The following IKZF3 variants were observed in gnomAD, a reference collection of about 807,000 sequenced individuals.
IKZF3 encodes IKAROS family zinc finger 3, also known as zinc finger protein Aiolos.
In IKZF3, 10 loss-of-function variants were observed where a neutral mutation model predicts 49.0. The ratio of observed to expected loss-of-function variants is 0.20; its 90% CI spans 0.13 to 0.35. The LOEUF is 0.35. IKZF3 is among the 10% of genes least tolerant of loss of function. IKZF3 has a pLI of 1.00. For synonymous variants in IKZF3, 209 were observed against 228.2 expected, an observed-to-expected ratio of 0.92 and a Z score of 0.76; for missense variants, 498 against 664.8, an observed-to-expected ratio of 0.75 and a Z score of 2.76.
At chr17:39,825,371 A>G (rs1159472933) in intron 3 of IKZF3, among the ~76,000 whole-genome samples, 2 of 152,230 alleles carry the variant, frequency 1.3e-5, no homozygotes, top group African/African-American at 4.8e-5. Flanking sequence ...ATGCAAGATC[A>G]CAGGAGAAAG....
rs527599692 is a variant in IKZF3 at position 39,793,007 on chromosome 17, C to T, written c.164-74G>A. On this transcript the variant is annotated intron_variant, in intron 3 of 7. Transcript: ENST00000346872. ...ATCAAAGCAGCTCAAACAGCAGAGACCCACAACTGACAATTAAATACCAAT... is the reference window on the plus strand; with the variant it reads ...ATCAAAGCAGCTCAAACAGCAGAGATCCACAACTGACAATTAAATACCAAT... 6.6e-5 allele frequency: 94 copies of T among 1,419,476 alleles called. No homozygotes were observed. In the African/African-American group the frequency reaches 1.2e-3, roughly 18 times the overall value. 87.9% of individuals were successfully genotyped at this position (1,419,476 alleles called of 1,614,324 possible).
intron 7 of IKZF3, among the ~76,000 whole-genome samples, chr17:39,773,001 A>G (rs900587109): frequency 1.3e-5 from 2 of 152,120 alleles, no homozygotes; most frequent in East Asian, 1.9e-4. Flanking sequence ...TTTTTAGTAG[A>G]GATAGGGTTT....
intron 6 of IKZF3, 144 bp from the exon 7 acceptor site, chr17:39,777,911 T>C (rs1449629739): frequency 7.2e-7 from 1 of 1,388,836 alleles, no homozygotes; most frequent in Non-Finnish European, 9.3e-7. Context: ...GATTCTTGCC[T>C]GGGGTACCTG....
chr17:39,838,552 T>C (rs2062371453), intron 1 of IKZF3, among the ~76,000 whole-genome samples: 1 of 152,182 alleles, frequency 6.6e-6, no homozygotes, highest in Non-Finnish European at 1.5e-5. Context: ...TCTAAATGCT[T>C]TCAAATATTT....
rs191653730 is a variant in IKZF3 at position 39,797,079 on chromosome 17, C to T, written c.164-4146G>A. ...ACTCAAGAGGCTGAGGCAGGAGAAT[C>T]GCTTGAACCTGGGAAGTGGAGGTTG... On this transcript the variant is annotated intron_variant, in intron 3 of 7. Coordinates refer to ENST00000346872, the MANE Select transcript of IKZF3 (RefSeq NM_012481.5). Among the ~76,000 whole-genome samples the T allele has an allele frequency of 1.3e-4, 19 of 151,458 alleles. No homozygotes were observed. In the East Asian group the frequency reaches 3.6e-3, roughly 29 times the overall value.
intron 7 of IKZF3, among the ~76,000 whole-genome samples, chr17:39,770,750 G>A (rs139280946): frequency 4.5e-4 from 68 of 149,824 alleles, no homozygotes; most frequent in African/African-American, 1.5e-3. Flanking sequence ...TGTATCCACC[G>A]TGCCATCCTA....
chr17:39,798,996 C>CGTGTGTGT (rs10628627), intron 3 of IKZF3, among the ~76,000 whole-genome samples: 34 of 149,082 alleles, frequency 2.3e-4, no homozygotes, highest in East Asian at 1.2e-3. Context: ...TGTGTGTGTG[C>CGTGTGTGT]GTGTGTGTGT....
intron 6 of IKZF3, among the ~76,000 whole-genome samples, chr17:39,779,794 TTC>T (rs1301373494): frequency 6.6e-6 from 1 of 152,170 alleles, no homozygotes; most frequent in African/African-American, 2.4e-5. Context: ...GTAAACATTT[TTC>T]TCTGTTTTCT....
intron 1 of IKZF3, chr17:39,835,407 G>T: frequency 2.1e-6 from 1 of 469,372 alleles, no homozygotes; most frequent in Non-Finnish European, 4.2e-6. Flanking sequence ...ACACAATGGC[G>T]GCCTCCAGGG....
chr17:39,841,784 C>T (rs1236080793), intron 1 of IKZF3, among the ~76,000 whole-genome samples: 1 of 152,056 alleles, frequency 6.6e-6, no homozygotes, highest in Non-Finnish European at 1.5e-5. Flanking sequence ...GTGACTCATG[C>T]CTGTAATCCC....
chr17:39,851,244 G>T (rs1029346670), intron 1 of IKZF3, among the ~76,000 whole-genome samples: 3 of 151,718 alleles, frequency 2.0e-5, no homozygotes, highest in African/African-American at 7.3e-5. Flanking sequence ...GCTCAGGGTG[G>T]TCTTGAACTC....
chr17:39,856,260 G>A (rs1052859994), intron 1 of IKZF3, among the ~76,000 whole-genome samples: 4 of 152,044 alleles, frequency 2.6e-5, no homozygotes, highest in Non-Finnish European at 5.9e-5. Flanking sequence ...ATAAAGTACA[G>A]GGAATAAGAC....
chr17:39,804,351 G>A (rs1281670340), intron 3 of IKZF3, among the ~76,000 whole-genome samples: 1 of 152,046 alleles, frequency 6.6e-6, no homozygotes, highest in Non-Finnish European at 1.5e-5. Flanking sequence ...AGGAGGCTGA[G>A]GCAAGAGAAT....
chr17:39,772,655 A>G lies in IKZF3; in HGVS notation c.826+4996T>C, dbSNP rs1374767841. ...GTGGCACTGGGGAAAGCTGAGCTGG[A>G]GACCACATTTGGTTGCTGCAGAAGT... is the stretch of plus-strand genomic sequence containing the variant. On this transcript the variant is annotated intron_variant, in intron 7 of 7. Transcript: ENST00000346872. Among the ~76,000 whole-genome samples, 3 of 152,172 alleles carry G rather than the reference A, an allele frequency of 2.0e-5. No individual in the cohort carries two copies. The South Asian group carries it at 6.2e-4, about 32-fold the overall frequency.
intron 3 of IKZF3, among the ~76,000 whole-genome samples, chr17:39,808,605 T>G (rs1261959548): frequency 6.6e-6 from 1 of 152,240 alleles, no homozygotes; most frequent in Non-Finnish European, 1.5e-5. Context: ...TAATGAGCAC[T>G]ATCTCTGGAC....
At chr17:39,854,678 T>C (rs369143960) in intron 1 of IKZF3, among the ~76,000 whole-genome samples, 99 of 152,284 alleles carry the variant, frequency 6.5e-4, no homozygotes, top group African/African-American at 2.3e-3. Context: ...GTTGGCATGA[T>C]TGTGGTGCTA....
chr17:39,820,108 T>A (rs918149400), intron 3 of IKZF3, among the ~76,000 whole-genome samples: 2 of 152,172 alleles, frequency 1.3e-5, no homozygotes, highest in Non-Finnish European at 2.9e-5. Context: ...TTCTAGGTAC[T>A]GTAAATATCT....
rs768979791 is a variant in IKZF3, at chr17:39,791,427, C to G, written c.581G>C (p.Arg194Thr). The change falls in exon 5 of 8, where the codon AGG becomes ACG. Residue 194 changes from arginine (R) to threonine (T), a missense_variant. Transcript: ENST00000346872. ...QRRDALTGHL[R>T]THSVEKPYKC... ...TTTCTCTCACTTACCAGAATGTGTCCTAAGATGCCCCGTGAGCGCATCTCT... is the reference window on the plus strand; with the variant it reads ...TTTCTCTCACTTACCAGAATGTGTCGTAAGATGCCCCGTGAGCGCATCTCT... The G allele has an allele frequency of 6.2e-7, 1 of 1,613,878 alleles. No individual in the cohort carries two copies. Among genetic ancestry groups the G allele is most frequent in the Non-Finnish European group, 8.5e-7 (1 of 1,179,900 alleles).
chr17:39,778,560 T>C (rs1258422612), intron 6 of IKZF3, among the ~76,000 whole-genome samples: 2 of 152,156 alleles, frequency 1.3e-5, no homozygotes, highest in Non-Finnish European at 2.9e-5. Context: ...CCCAGCACTT[T>C]GGGAGGTGGA....
Sources: gnomAD v4.1 joint callset for allele counts (sites outside exome capture counted in the v4.1 genomes callset) on GRCh38, gnomAD v4.1.1 for gene constraint, MANE v1.5 for transcripts, NCBI Gene and HGNC (gene_info 2026-07-23, HGNC 2026-07-21) for gene names.